METTL4: variants seen among roughly 807,000 people sequenced by gnomAD.
METTL4 encodes methyltransferase 4, N6-adenosine.
METTL4 carries 40 observed loss-of-function variants against 54.0 expected under a neutral mutation model. The observed-to-expected ratio is 0.74, with a 90% confidence interval of 0.58 to 0.96. The LOEUF (loss-of-function observed/expected upper bound fraction) is 0.96, where lower values mean the gene tolerates loss of function less well. Ranked by LOEUF, METTL4 falls within the 50% of genes least tolerant of loss-of-function variation. The pLI, the probability that METTL4 is intolerant of heterozygous loss-of-function variation, is 0.00. For missense variants in METTL4, 525 were observed against 549.0 expected (o/e 0.96, Z 0.44); for synonymous variants, 169 against 183.8 (o/e 0.92, Z 0.65).
intron 1 of METTL4, among the ~76,000 whole-genome samples, chr18:2,570,480 GAT>G (rs2143616403): frequency 6.6e-6 from 1 of 152,314 alleles, no homozygotes; most frequent in South Asian, 2.1e-4. Flanking sequence ...AAAAGCAAAT[GAT>G]GTTTCCATTA....
At chr18:2,561,635 G>C (rs2072319723) in intron 3 of METTL4, 1 of 152,178 alleles carries the variant, frequency 6.6e-6, no homozygotes, top group Non-Finnish European at 1.5e-5. Context: ...GGATGGGCAG[G>C]ACTGGCACTA....
In METTL4 at chr18:2,559,245, T is replaced by A. The variant is rs895752136; in HGVS notation, c.460-4207A>T. The stretch of plus-strand genomic sequence containing the variant: ...TCCATAAACAAATGGATAAACAAAA[T>A]GTAATATTTACATAAAATGGAATAT... On this transcript the variant is annotated intron_variant, in intron 3 of 8. Coordinates refer to ENST00000574538, the MANE Select transcript of METTL4 (RefSeq NM_022840.5). Among the ~76,000 whole-genome samples, 7 of 152,242 alleles carry A rather than the reference T, an allele frequency of 4.6e-5. 1 individual carries two copies. The highest frequency in any genetic ancestry group is 1.7e-4 in the African/African-American group (7 of 41,560).
At chr18:2,558,627 TAA>T (rs527853299) in intron 3 of METTL4, among the ~76,000 whole-genome samples, 1 of 144,708 alleles carries the variant, frequency 6.9e-6, no homozygotes, top group African/African-American at 2.5e-5. Context: ...AAAGAAATAA[TAA>T]AAAAAAACAC....
rs892088174 is a variant in METTL4, at chr18:2,538,932, T to C, written c.*68A>G. 2.0e-6 allele frequency: 3 copies of C among 1,524,524 alleles called. No homozygotes were observed. The highest frequency in any genetic ancestry group is 3.5e-4 in the Middle Eastern group (2 of 5,730). The allele number at this position is 1,524,524 out of a possible 1,614,324, so 94.4% of individuals were successfully genotyped here. On this transcript the variant is annotated 3_prime_UTR_variant, in exon 9 of 9. Coordinates refer to ENST00000574538, the MANE Select transcript of METTL4 (RefSeq NM_022840.5). ...ATGGGTTGGTAACAAAATAAAAAAA[T>C]GACTTAGAATTAAGGGAAAAGTGGT...
Position 2,547,440 on chromosome 18 carries a change from T to G in METTL4, c.989A>C (p.Asn330Thr). ...PNCLLVTWVTNRQKHLRFIKE... is the reference protein window; with the variant it reads ...PNCLLVTWVTTRQKHLRFIKE... The stretch of plus-strand genomic sequence containing the variant: ...TATAAAACGTAGGTGCTTCTGTCTA[T>G]TGGTCACCCAAGTAACAAGAAGACA... The change falls in exon 6 of 9, where the codon AAT becomes ACT. Residue 330 changes from asparagine (N) to threonine (T), a missense_variant. Transcript: ENST00000574538. 6.2e-7 allele frequency: 1 copy of G among 1,612,516 alleles called. No individual in the cohort carries two copies. Among genetic ancestry groups the G allele is most frequent in the Non-Finnish European group, 8.5e-7 (1 of 1,179,062 alleles).
intron 3 of METTL4, among the ~76,000 whole-genome samples, chr18:2,556,146 A>C (rs2072235716): frequency 6.6e-6 from 1 of 152,182 alleles, no homozygotes; most frequent in Non-Finnish European, 1.5e-5. Context: ...TACCAAAGGC[A>C]AGGAAGGAAG....
intron 1 of METTL4, among the ~76,000 whole-genome samples, chr18:2,568,151 TA>T (rs1188500188): frequency 6.6e-6 from 1 of 152,248 alleles, no homozygotes; most frequent in African/African-American, 2.4e-5. Context: ...TTCAAATTTC[TA>T]ACTCCATGAG....
intron 3 of METTL4, among the ~76,000 whole-genome samples, chr18:2,556,825 G>T (rs1189462393): frequency 6.6e-6 from 1 of 152,022 alleles, no homozygotes; most frequent in East Asian, 1.9e-4. Context: ...AGAGGATGAG[G>T]AGGAGGTGGG....
chr18:2,563,799 T>G lies in METTL4; in HGVS notation c.457A>C (p.Lys153Gln). 6.2e-7 allele frequency: 1 copy of G among 1,603,572 alleles called. No homozygotes were observed. The highest frequency in any genetic ancestry group is 8.5e-7 in the Non-Finnish European group (1 of 1,173,554). Residue 153 changes from lysine (K) to glutamine (Q), a missense_variant and splice_region_variant, in exon 3 of 9, where the codon AAG becomes CAG. Transcript: ENST00000574538. ...ATCAATGAACATTTTACACTTACCT[T>G]TGTATGGTATTCCATAGCATCCAAT... ...GELDAMEYHTKIRELILDGSL... is the reference protein window; with the variant it reads ...GELDAMEYHTQIRELILDGSL...
At position 2,542,475 on chromosome 18, in the gene METTL4, T is replaced by C. The variant is rs993307311; in HGVS notation, c.1273+1720A>G. ...ATAACTTTATTTTATTTTAAAGGAA[T>C]TGACAAATAGTTTACTATCATTTCA... On this transcript the variant is annotated intron_variant, in intron 8 of 8. Transcript: ENST00000574538. 2.6e-5 allele frequency among the ~76,000 whole-genome samples: 4 copies of C among 151,700 alleles called. No individual in the cohort carries two copies. The South Asian group carries it at 6.2e-4, about 24-fold the overall frequency.
At chr18:2,566,374 G>A (rs933370744) in intron 2 of METTL4, among the ~76,000 whole-genome samples, 125 of 152,090 alleles carry the variant, frequency 8.2e-4, no homozygotes, top group African/African-American at 2.1e-3. Context: ...CTTTTATTAC[G>A]TATCTCCAAG....
intron 8 of METTL4, chr18:2,540,963 T>C (rs988512446): frequency 7.2e-6 from 7 of 965,712 alleles, no homozygotes; most frequent in African/African-American, 7.0e-5. Context: ...GGAAGCAGAA[T>C]ATCCATGTTT....
At chr18:2,570,764 G>T (rs898353448) in intron 1 of METTL4, among the ~76,000 whole-genome samples, 6 of 152,092 alleles carry the variant, frequency 3.9e-5, no homozygotes, top group South Asian at 2.1e-4. Flanking sequence ...AAATAACAAC[G>T]CTAGTTAATG....
At chr18:2,566,621 T>G (rs2072421698) in intron 2 of METTL4, 200 bp downstream of exon 2, 1 of 312,902 alleles carries the variant, frequency 3.2e-6, no homozygotes, top group Admixed American at 5.0e-5. Flanking sequence ...TGCTTATTTT[T>G]GAAATACTAT....
At chr18:2,565,088 G>C (rs2072383370) in intron 2 of METTL4, among the ~76,000 whole-genome samples, 1 of 152,140 alleles carries the variant, frequency 6.6e-6, no homozygotes, top group Non-Finnish European at 1.5e-5. Flanking sequence ...AGGAGTTCAA[G>C]ACCAGCTTGG....
At chr18:2,565,507 A>T (rs2072394571) in intron 2 of METTL4, among the ~76,000 whole-genome samples, 1 of 152,206 alleles carries the variant, frequency 6.6e-6, no homozygotes, top group South Asian at 2.1e-4. Context: ...CTTAAAAATT[A>T]AAATTAAAAT....
rs1206890503 is a variant in METTL4 at position 2,544,155 on chromosome 18, T to C, written c.1273+40A>G. On this transcript the variant is annotated intron_variant, in intron 8 of 8. Coordinates refer to ENST00000574538, the MANE Select transcript of METTL4 (RefSeq NM_022840.5). The stretch of plus-strand genomic sequence containing the variant: ...ACTAAATGTACACTTTTTTTCAAAT[T>C]TGACAAAAGTGATAACAATTCTATT... 1.2e-5 allele frequency: 18 copies of C among 1,510,716 alleles called. No homozygotes were observed. In the East Asian group the frequency reaches 4.1e-4, roughly 34 times the overall value. 93.6% of individuals were successfully genotyped at this position (1,510,716 alleles called of 1,614,324 possible). A position where few individuals can be genotyped will look rare whatever the true frequency, so the allele number is the denominator to read the frequency against.
intron 5 of METTL4, among the ~76,000 whole-genome samples, chr18:2,547,982 A>G (rs1020002111): frequency 1.4e-4 from 21 of 152,242 alleles, no homozygotes; most frequent in African/African-American, 4.6e-4. Context: ...GCTAAAGCCA[A>G]TCTATTCCAA....
chr18:2,549,725 T>C (rs1228181746), intron 5 of METTL4, among the ~76,000 whole-genome samples: 1 of 149,744 alleles, frequency 6.7e-6, no homozygotes, highest in Non-Finnish European at 1.5e-5. Context: ...CTTATGTCTG[T>C]AATCCCAACA....
Sources: gnomAD v4.1 joint callset for allele counts (sites outside exome capture counted in the v4.1 genomes callset) on GRCh38, gnomAD v4.1.1 for gene constraint, MANE v1.5 for transcripts, NCBI Gene and HGNC (gene_info 2026-07-23, HGNC 2026-07-21) for gene names.